Variants in RADX observed in about 807,000 individuals in gnomAD.
The protein encoded by RADX is RPA1 related single stranded DNA binding protein, X-linked, also known as RPA-related protein RADX.
In RADX, 36 loss-of-function variants were observed where a neutral mutation model predicts 61.6. That is an observed-to-expected ratio of 0.58 (90% CI 0.45 to 0.77). The LOEUF (loss-of-function observed/expected upper bound fraction) is 0.77, where lower values mean the gene tolerates loss of function less well. Among genes scored for constraint, RADX ranks in the 30% least tolerant of loss-of-function variants. The pLI is 0.00. For synonymous variants in RADX, 272 were observed against 237.9 expected (o/e 1.14, Z -1.32); for missense variants, 497 against 651.1 (o/e 0.76, Z 2.58).
rs1395988499 is a variant in RADX at position 106,673,138 on chromosome X, G to A, written c.2437+3808G>A. On this transcript the variant is annotated intron_variant, in intron 13 of 13. Coordinates refer to ENST00000372548, the MANE Select transcript of RADX (RefSeq NM_018015.6). ...TGCTCTACCTCCCTGTGGCTGCGCT[G>A]GTATCTAACATGCAAGACAAAGTCC... Among the ~76,000 whole-genome samples, 3 of 111,663 alleles carry A rather than the reference G, an allele frequency of 2.7e-5. No individual in the cohort carries two copies. In the South Asian group the frequency reaches 1.1e-3, roughly 42 times the overall value.
At chrX:106,663,540 TA>T (rs762908270) in intron 12 of RADX, among the ~76,000 whole-genome samples, 3 of 111,892 alleles carry the variant, frequency 2.7e-5, no homozygotes, top group Non-Finnish European at 5.7e-5. Context: ...AAATAATGCG[TA>T]AGACCTACAA....
rs145308320 is a variant in RADX, at chrX:106,674,077, T to C, written c.2438-4051T>C. Among the ~76,000 whole-genome samples, 3 of 111,494 alleles carry C rather than the reference T, an allele frequency of 2.7e-5. No homozygotes were observed. In the East Asian group the frequency reaches 8.5e-4, roughly 32 times the overall value. ...GATTCAGGAGTGTTTTTTCTACCTC[T>C]TCAGTGCCTCTTTCAGTGTTATGAA... On this transcript the variant is annotated intron_variant, in intron 13 of 13. Coordinates refer to ENST00000372548, the MANE Select transcript of RADX (RefSeq NM_018015.6).
intron 3 of RADX, among the ~76,000 whole-genome samples, chrX:106,626,489 A>G (rs1927077689): frequency 9.0e-6 from 1 of 111,316 alleles, no homozygotes; most frequent in Non-Finnish European, 1.9e-5. Context: ...AACTAAACTG[A>G]TAGAGATATT....
chrX:106,617,511 C>T (rs1471670202), intron 1 of RADX, among the ~76,000 whole-genome samples: 1 of 111,783 alleles, frequency 8.9e-6, no homozygotes, highest in Non-Finnish European at 1.9e-5. Context: ...GCATTTATTT[C>T]TCCTTATATT....
intron 1 of RADX, among the ~76,000 whole-genome samples, chrX:106,613,075 C>T (rs1280055884): frequency 3.6e-5 from 4 of 111,813 alleles, no homozygotes; most frequent in Non-Finnish European, 7.5e-5. Flanking sequence ...AGTTTTATTC[C>T]CAATCCAGTT....
Position 106,623,201 on chromosome X carries a change from A to G in RADX, c.786+408A>G, listed in dbSNP as rs144538011. Among the ~76,000 whole-genome samples the G allele has an allele frequency of 3.8e-4, 42 of 111,538 alleles. No homozygotes were observed. The East Asian group carries it at 6.7e-3, about 18-fold the overall frequency. The stretch of plus-strand genomic sequence containing the variant: ...GGTAAGCTTCTTGAAGAAGTAGTCT[A>G]CACTAGATGTTTTTACTTTCTTGCC... On this transcript the variant is annotated intron_variant, in intron 2 of 13. Coordinates refer to ENST00000372548, the MANE Select transcript of RADX (RefSeq NM_018015.6).
intron 10 of RADX, among the ~76,000 whole-genome samples, chrX:106,641,379 A>G (rs1180682004): frequency 9.1e-6 from 1 of 110,425 alleles, no homozygotes. Context: ...CTAATCCAAA[A>G]TCTCATCTAA....
chrX:106,661,875 T>C (rs1928106748), intron 11 of RADX, 140 bp from the exon 12 acceptor site: 1 of 442,049 alleles, frequency 2.3e-6, no homozygotes, highest in Admixed American at 4.4e-5. Flanking sequence ...GTATATTCAT[T>C]TTATATTTTG....
intron 4 of RADX, 22 bp downstream of exon 4, chrX:106,632,755 T>A (rs1204232371): frequency 1.9e-6 from 2 of 1,049,955 alleles, no homozygotes; most frequent in Non-Finnish European, 2.6e-6. Context: ...TCTTGTAAAA[T>A]GTCTTAAATA....
intron 1 of RADX, among the ~76,000 whole-genome samples, chrX:106,619,869 A>C (rs766429643): frequency 9.1e-4 from 102 of 111,638 alleles, no homozygotes; most frequent in African/African-American, 3.2e-3. Flanking sequence ...TGAATTTATC[A>C]ATTCTATTTT....
intron 11 of RADX, among the ~76,000 whole-genome samples, chrX:106,659,233 A>G (rs773577200): frequency 1.8e-5 from 2 of 112,138 alleles, no homozygotes; most frequent in East Asian, 5.6e-4. Flanking sequence ...CTCCTGCCTC[A>G]GGCTCCTGAA....
chrX:106,655,748 A>G (rs961864893), intron 11 of RADX, among the ~76,000 whole-genome samples: 26 of 111,537 alleles, frequency 2.3e-4, no homozygotes, highest in Non-Finnish European at 3.4e-4. Flanking sequence ...TCATTGATGG[A>G]CATTTGGGTT....
chrX:106,673,919 C>T (rs1928435206), intron 13 of RADX, among the ~76,000 whole-genome samples: 1 of 111,228 alleles, frequency 9.0e-6, no homozygotes, highest in African/African-American at 3.3e-5. Context: ...ATTTGGTCCA[C>T]TTTTGCTTTC....
At chrX:106,629,779 T>G (rs775951311) in intron 3 of RADX, among the ~76,000 whole-genome samples, 1 of 110,997 alleles carries the variant, frequency 9.0e-6, no homozygotes, top group African/African-American at 3.3e-5. Flanking sequence ...AACATATATA[T>G]AGATATTCTG....
At chrX:106,613,887 A>G (rs1926737617) in intron 1 of RADX, among the ~76,000 whole-genome samples, 1 of 112,204 alleles carries the variant, frequency 8.9e-6, no homozygotes, top group Admixed American at 9.4e-5. Flanking sequence ...TGAATATGTA[A>G]ATGAAAAACT....
chrX:106,614,843 T>C (rs1184630457), intron 1 of RADX, among the ~76,000 whole-genome samples: 2 of 110,944 alleles, frequency 1.8e-5, no homozygotes, highest in Non-Finnish European at 3.8e-5. Flanking sequence ...AAAGTTTACC[T>C]TGTACACAGT....
At chrX:106,650,823 C>T (rs752332227) in intron 11 of RADX, among the ~76,000 whole-genome samples, 3 of 111,503 alleles carry the variant, frequency 2.7e-5, no homozygotes, top group South Asian at 3.7e-4. Flanking sequence ...ACACACTTAT[C>T]GGTAGAGGAT....
intron 2 of RADX, among the ~76,000 whole-genome samples, chrX:106,623,499 A>T: frequency 8.9e-6 from 1 of 111,756 alleles, no homozygotes; most frequent in Non-Finnish European, 1.9e-5. Flanking sequence ...AATTTGGAAA[A>T]TGTAGAAAGC....
intron 12 of RADX, among the ~76,000 whole-genome samples, chrX:106,667,603 G>T (rs938098021): frequency 9.0e-6 from 1 of 111,427 alleles, no homozygotes; most frequent in African/African-American, 3.3e-5. Context: ...GGAATTACAG[G>T]CATGAGCCAC....
Sources: allele counts gnomAD v4.1 joint callset (sites outside exome capture counted in the v4.1 genomes callset), GRCh38; gene constraint gnomAD v4.1.1; transcripts MANE v1.5; gene names NCBI Gene and HGNC (gene_info 2026-07-23, HGNC 2026-07-21).